TUBA8: variants seen among roughly 807,000 people sequenced by gnomAD.
TUBA8 encodes tubulin alpha 8, also known as tubulin alpha-8 chain.
Under a neutral mutation model 34.7 loss-of-function variants are expected in TUBA8, and 29 were observed. The ratio of observed to expected loss-of-function variants is 0.84; its 90% CI spans 0.62 to 1.14. TUBA8 has a LOEUF of 1.14. Ranked by LOEUF, TUBA8 falls within the 50% of genes most tolerant of loss-of-function variation. TUBA8 has a pLI of 0.00. For synonymous variants in TUBA8, 226 were observed against 231.2 expected, an observed-to-expected ratio of 0.98 and a Z score of 0.21; for missense variants, 541 against 599.2, an observed-to-expected ratio of 0.90 and a Z score of 1.01.
chr22:18,126,585 A>G lies in TUBA8; in HGVS notation c.607A>G (p.Met203Val), dbSNP rs940128550. 5.6e-6 allele frequency: 9 copies of G among 1,614,116 alleles called. No homozygotes were observed. The highest frequency in any genetic ancestry group is 5.9e-6 in the Non-Finnish European group (7 of 1,180,032). ...TTLEHSDCAF[M>V]VDNEAIYDIC... ...ACTGGAACATTCAGATTGTGCTTTC[A>G]TGGTGGACAACGAAGCCATCTATGA... The change falls in exon 4 of 5, where the codon ATG becomes GTG. Residue 203 changes from methionine to valine, a missense_variant. Physicochemically the swap from Met to Val is conservative, Grantham distance 21 (BLOSUM62 1). Transcript: ENST00000330423. This position sits in a 1 kb window ranked among gnomAD's most constrained non-coding sequence, Gnocchi z 4.0.
intron 2 of TUBA8, chr22:18,123,736 G>A (rs1928228260): frequency 8.0e-6 from 2 of 249,244 alleles, no homozygotes; most frequent in Admixed American, 4.8e-5. Flanking sequence ...TGCCACACCT[G>A]GCTAACTTTT....
Position 18,130,979 on chromosome 22 carries a change from T to C in TUBA8, c.1193T>C (p.Met398Thr). ...CGCCTCGACCACAAGTTCGACCTCA[T>C]GTACGCCAAGCGGGCCTTTGTGCAT... ...WARLDHKFDLMYAKRAFVHWY... is the reference protein window; with the variant it reads ...WARLDHKFDLTYAKRAFVHWY... Residue 398 changes from methionine to threonine, a missense_variant, in exon 5 of 5, where the codon ATG becomes ACG. Transcript: ENST00000330423. 5 of 1,614,048 alleles carry C rather than the reference T, an allele frequency of 3.1e-6. No individual in the cohort carries two copies. The highest frequency in any genetic ancestry group is 2.2e-5 in the South Asian group (2 of 91,076).
At chr22:18,116,867 G>C (rs1054174930) in intron 1 of TUBA8, 1 of 152,230 alleles carries the variant, frequency 6.6e-6, no homozygotes, top group African/African-American at 2.4e-5. Flanking sequence ...GCAGGTGCAA[G>C]AGGCCTGCAG....
intron 3 of TUBA8, chr22:18,125,513 C>CAAAAAAAAA (rs361619): frequency 1.5e-5 from 1 of 66,970 alleles, no homozygotes. Context: ...GACTCTGTCT[C>CAAAAAAAAA]AAAAAAAAAA....
In TUBA8 at chr22:18,110,870, T is replaced by G. The variant is rs775244571; in HGVS notation, c.3+2T>G. On this transcript the variant is annotated splice_donor_variant, in intron 1 of 4. Transcript: ENST00000330423. LOFTEE classifies it high-confidence loss of function. The surrounding 1 kb of genome is among the most constrained non-coding windows in gnomAD (Gnocchi z 6.2). ...CGGGCGAGGACAGCGGCAGCGATGG[T>G]GAGGCTTCCCGGGGCCAGGCGGGCT... 16 of 1,547,568 alleles carry G rather than the reference T, an allele frequency of 1.0e-5. No individual in the cohort carries two copies. In the East Asian group the frequency reaches 3.8e-4, roughly 37 times the overall value.
Position 18,118,392 on chromosome 22 carries a change from C to A in TUBA8, c.4-3087C>A, listed in dbSNP as rs1412359559. 1 of 152,212 alleles carries A rather than the reference C, an allele frequency of 6.6e-6. No individual in the cohort carries two copies. Among genetic ancestry groups the A allele is most frequent in the Non-Finnish European group, 1.5e-5 (1 of 68,046 alleles). 9.4% of individuals were successfully genotyped at this position (152,212 alleles called of 1,614,324 possible). A position where few individuals can be genotyped will look rare whatever the true frequency, so the allele number is the denominator to read the frequency against. Reference sequence around the variant, plus strand: ...TGAGGACTTGTGGGTTTTCATCTTGCATCCTGCTTCACTCAAATGCTGCCA... The same window carrying A: ...TGAGGACTTGTGGGTTTTCATCTTGAATCCTGCTTCACTCAAATGCTGCCA... On this transcript the variant is annotated intron_variant, in intron 1 of 4. Transcript: ENST00000330423. This position sits in a 1 kb window ranked among gnomAD's most constrained non-coding sequence, Gnocchi z 4.0.
At chr22:18,128,536 TTTTTTATTTTTTA>T (rs1409235799) in intron 4 of TUBA8, 2 of 152,172 alleles carry the variant, frequency 1.3e-5, no homozygotes, top group Non-Finnish European at 2.9e-5. Context: ...CAGGATTTCT[TTTTTTATTTTTTA>T]TTGTATTTTT....
chr22:18,112,913 C>G (rs967939566), intron 1 of TUBA8: 3 of 152,196 alleles, frequency 2.0e-5, no homozygotes, highest in African/African-American at 7.2e-5. Flanking sequence ...CCTAGAATCT[C>G]ACCCTTACAA....
Position 18,130,873 on chromosome 22 carries a change from G to T in TUBA8, c.1087G>T (p.Val363Phe). ...CATCAACTACCAGCCCCCGACCGTG[G>T]TCCCCGGGGGAGACCTGGCCAAGGT... ...VGINYQPPTV[V>F]PGGDLAKVQR... The change falls in exon 5 of 5, where the codon GTC (valine) becomes TTC (phenylalanine). Residue 363 changes from valine to phenylalanine, a missense_variant. Coordinates refer to ENST00000330423, the MANE Select transcript of TUBA8 (RefSeq NM_018943.3). The T allele has an allele frequency of 6.2e-7, 1 of 1,613,990 alleles. No homozygotes were observed. Among genetic ancestry groups the T allele is most frequent in the Non-Finnish European group, 8.5e-7 (1 of 1,180,018 alleles).
chr22:18,127,551 G>T, intron 4 of TUBA8: 1 of 147,132 alleles, frequency 6.8e-6, no homozygotes, highest in Non-Finnish European at 1.5e-5. Flanking sequence ...CCGCCGCCAC[G>T]CCCAGCTAAT....
Position 18,131,081 on chromosome 22 carries a change from A to G in TUBA8, c.1295A>G (p.Tyr432Cys). The stretch of plus-strand genomic sequence containing the variant: ...GACTTAGCTGCCCTGGAGAAGGATT[A>G]TGAAGAAGTGGGGACTGATTCGTTT... The part of the protein sequence containing the change: ...REDLAALEKD[Y>C]EEVGTDSFEE... The change falls in exon 5 of 5, where the codon TAT (tyrosine) becomes TGT (cysteine). Residue 432 changes from tyrosine to cysteine, a missense_variant. Physicochemically the swap from Tyr to Cys is radical, Grantham distance 194 (BLOSUM62 -2). Coordinates refer to ENST00000330423, the MANE Select transcript of TUBA8 (RefSeq NM_018943.3). This position sits in a 1 kb window ranked among gnomAD's most constrained non-coding sequence, Gnocchi z 5.3. 3.7e-6 allele frequency: 6 copies of G among 1,614,228 alleles called. No homozygotes were observed. Among genetic ancestry groups the G allele is most frequent in the Non-Finnish European group, 5.1e-6 (6 of 1,180,038 alleles).
chr22:18,124,725 T>A lies in TUBA8; in HGVS notation c.375+421T>A, dbSNP rs1350087263. On this transcript the variant is annotated intron_variant, in intron 3 of 4. Coordinates refer to ENST00000330423, the MANE Select transcript of TUBA8 (RefSeq NM_018943.3). The surrounding 1 kb of genome is among the most constrained non-coding windows in gnomAD (Gnocchi z 4.3). ...ATTCCTTCATTTAATCCTTAATAAT[T>A]AGACTTAGGAGGTGTCCTTCCTGTG... The A allele has an allele frequency of 1.7e-5, 3 of 172,394 alleles. No individual in the cohort carries two copies. Among genetic ancestry groups the A allele is most frequent in the Non-Finnish European group, 3.8e-5 (3 of 79,020 alleles). 10.7% of individuals were successfully genotyped at this position (172,394 alleles called of 1,614,324 possible).
At chr22:18,120,193 A>G (rs1928106002) in intron 1 of TUBA8, 1 of 152,174 alleles carries the variant, frequency 6.6e-6, no homozygotes, top group Non-Finnish European at 1.5e-5. Flanking sequence ...ATGGGTATAT[A>G]TTGTGATGCC....
At position 18,124,079 on chromosome 22, in the gene TUBA8, G is replaced by T; in HGVS notation, c.227-77G>T. On this transcript the variant is annotated intron_variant, in intron 2 of 4. Transcript: ENST00000330423. The surrounding 1 kb of genome is among the most constrained non-coding windows in gnomAD (Gnocchi z 4.3). ...TTTTATAGGTAGGGGAGAACGGAAGGGGTCCTGCGGTAGTGTGGTAGGGAG... is the reference window on the plus strand; with the variant it reads ...TTTTATAGGTAGGGGAGAACGGAAGTGGTCCTGCGGTAGTGTGGTAGGGAG... The T allele has an allele frequency of 2.5e-6, 4 of 1,578,502 alleles. No individual in the cohort carries two copies. Among genetic ancestry groups the T allele is most frequent in the Non-Finnish European group, 3.5e-6 (4 of 1,150,028 alleles).
intron 1 of TUBA8, chr22:18,112,981 T>C (rs1927858439): frequency 6.6e-6 from 1 of 152,244 alleles, no homozygotes; most frequent in African/African-American, 2.4e-5. Flanking sequence ...TCCCCTTCAC[T>C]TCCCTCCCTG....
In TUBA8 at chr22:18,124,291, G is replaced by A. The variant is rs760936775; in HGVS notation, c.362G>A (p.Arg121His). ...GAGAGCATTGACCTGGTGCTGGACC[G>A]CATACGGAAGCTGGTAAGATCAGGA... ...GKESIDLVLDRIRKLTDACSG... is the reference protein window; with the variant it reads ...GKESIDLVLDHIRKLTDACSG... Residue 121 changes from arginine (R) to histidine (H), a missense_variant, in exon 3 of 5, where the codon CGC becomes CAC. Arg to His is a conservative substitution (Grantham distance 29). Transcript: ENST00000330423. The surrounding 1 kb of genome is among the most constrained non-coding windows in gnomAD (Gnocchi z 4.3). 1.4e-5 allele frequency: 23 copies of A among 1,613,534 alleles called. No individual in the cohort carries two copies. The highest frequency in any genetic ancestry group is 1.2e-5 in the Non-Finnish European group (14 of 1,179,850).
intron 4 of TUBA8, chr22:18,128,094 A>G (rs1298932927): frequency 6.6e-6 from 1 of 152,212 alleles, no homozygotes; most frequent in Non-Finnish European, 1.5e-5. Flanking sequence ...CCAGAGGAGT[A>G]TGATGCCTCT....
At chr22:18,127,929 C>G (rs948080393) in intron 4 of TUBA8, 1 of 152,150 alleles carries the variant, frequency 6.6e-6, no homozygotes, top group Non-Finnish European at 1.5e-5. Flanking sequence ...GATCTCCTAA[C>G]CTTGTGATCT....
At position 18,126,856 on chromosome 22, in the gene TUBA8, G is replaced by C; in HGVS notation, c.878G>C (p.Ser293Thr). The C allele has an allele frequency of 6.2e-7, 1 of 1,612,056 alleles. No homozygotes were observed. Among genetic ancestry groups the C allele is most frequent in the Non-Finnish European group, 8.5e-7 (1 of 1,178,740 alleles). ...CAGCTCTCTGTGGCCGAGATAACCAGCTCCTGCTTTGAGCCCAACAGCCAG... is the reference window on the plus strand; with the variant it reads ...CAGCTCTCTGTGGCCGAGATAACCACCTCCTGCTTTGAGCCCAACAGCCAG... ...HEQLSVAEIT[S>T]SCFEPNSQMV... The change falls in exon 4 of 5, where the codon AGC becomes ACC. Residue 293 changes from serine (S) to threonine (T), a missense_variant. Coordinates refer to ENST00000330423, the MANE Select transcript of TUBA8 (RefSeq NM_018943.3). This position sits in a 1 kb window ranked among gnomAD's most constrained non-coding sequence, Gnocchi z 4.0.
Sources: allele counts gnomAD v4.1 joint callset, GRCh38; gene constraint gnomAD v4.1.1; non-coding constraint Gnocchi (gnomAD v3.1); transcripts MANE v1.5; gene names NCBI Gene and HGNC (gene_info 2026-07-23, HGNC 2026-07-21).